RABGEF1: variants seen among roughly 807,000 people sequenced by gnomAD.
The protein encoded by RABGEF1 is RAB guanine nucleotide exchange factor 1.
In RABGEF1, 26 loss-of-function variants were observed where a neutral mutation model predicts 57.3. The ratio of observed to expected loss-of-function variants is 0.45; its 90% CI spans 0.33 to 0.63. RABGEF1 has a LOEUF of 0.63. Among genes scored for constraint, RABGEF1 ranks in the 20% least tolerant of loss-of-function variants. The pLI, the probability that RABGEF1 is intolerant of heterozygous loss-of-function variation, is 0.02. For missense variants in RABGEF1, 464 were observed against 607.6 expected (o/e 0.76, Z 2.48); for synonymous variants, 185 against 210.7 (o/e 0.88, Z 1.06).
chr7:66,693,331 T>A (rs758232123), intron 1 of RABGEF1, among the ~76,000 whole-genome samples: 1 of 152,208 alleles, frequency 6.6e-6, no homozygotes, highest in Non-Finnish European at 1.5e-5. Context: ...ATTTCCCCTT[T>A]ATTGCAAACA....
At chr7:66,763,875 A>T (rs1805054892) in intron 1 of RABGEF1, among the ~76,000 whole-genome samples, 1 of 152,186 alleles carries the variant, frequency 6.6e-6, no homozygotes. Flanking sequence ...TTGTTTATTA[A>T]TTCATCAGTT....
chr7:66,743,798 G>A (rs62466806), intron 1 of RABGEF1, among the ~76,000 whole-genome samples: 5,989 of 152,104 alleles, frequency 0.039, 166 homozygotes, highest in East Asian at 0.084. Flanking sequence ...ACCACACTTG[G>A]GCTAAATTTT....
intron 1 of RABGEF1, among the ~76,000 whole-genome samples, chr7:66,697,345 C>A (rs1792504605): frequency 6.6e-6 from 1 of 152,182 alleles, no homozygotes; most frequent in Non-Finnish European, 1.5e-5. Flanking sequence ...GCATTTCAGG[C>A]CTGCAGAACA....
intron 1 of RABGEF1, among the ~76,000 whole-genome samples, chr7:66,690,861 G>A (rs1197869556): frequency 6.6e-6 from 1 of 151,654 alleles, no homozygotes; most frequent in African/African-American, 2.4e-5. Flanking sequence ...AGGAAGGTGG[G>A]TCACTTGAGA....
chr7:66,748,933 G>A (rs895122398), intron 1 of RABGEF1: 4 of 235,764 alleles, frequency 1.7e-5, no homozygotes, highest in Non-Finnish European at 3.6e-5. Context: ...TCCAAAAACT[G>A]TTTTATGTCA....
upstream of RABGEF1, among the ~76,000 whole-genome samples, chr7:66,680,533 C>A (rs1384654880): frequency 6.6e-6 from 1 of 151,524 alleles, no homozygotes; most frequent in Non-Finnish European, 1.5e-5. Flanking sequence ...CGTGAGCCAC[C>A]GCACCCAGCC....
rs1181145224 is a variant in RABGEF1, at chr7:66,745,116, C to T, written c.-18+4324C>T. On this transcript the variant is annotated intron_variant, in intron 1 of 8. Transcript: ENST00000284957. ...CTGAGGCAGGAGAATGGCGTGAACC[C>T]GGGAGGCGGAGCTTGCAGTGAGCCG... Among the ~76,000 whole-genome samples, 59 of 150,984 alleles carry T rather than the reference C, an allele frequency of 3.9e-4. 1 individual carries two copies. Among genetic ancestry groups the T allele is most frequent in the Admixed American group, 2.6e-3 (40 of 15,142 alleles).
chr7:66,696,492 C>G (rs1457068394), intron 1 of RABGEF1, among the ~76,000 whole-genome samples: 1 of 151,904 alleles, frequency 6.6e-6, no homozygotes, highest in Non-Finnish European at 1.5e-5. Flanking sequence ...GAGTTTGAGA[C>G]CAGCCTGGCC....
chr7:66,762,263 G>C (rs1418169916), intron 1 of RABGEF1, among the ~76,000 whole-genome samples: 1 of 152,118 alleles, frequency 6.6e-6, no homozygotes, highest in African/African-American at 2.4e-5. Context: ...ACAGACCAAT[G>C]GGTAAATAAG....
In RABGEF1 at chr7:66,811,294, T is replaced by A. The variant is rs1789417748; in HGVS notation, c.*2010T>A. On this transcript the variant is annotated 3_prime_UTR_variant, in exon 9 of 9. Coordinates refer to ENST00000284957, the MANE Select transcript of RABGEF1 (RefSeq NM_014504.3). ...AATTCTTCTGGTATGGACTCTTGCCTTATATAGAGGCTTCTATTTCTCTTA... is the reference window on the plus strand; with the variant it reads ...AATTCTTCTGGTATGGACTCTTGCCATATATAGAGGCTTCTATTTCTCTTA... 6.6e-6 allele frequency: 1 copy of A among 152,214 alleles called. No individual in the cohort carries two copies. The highest frequency in any genetic ancestry group is 1.5e-5 in the Non-Finnish European group (1 of 68,044). 9.4% of individuals were successfully genotyped at this position (152,214 alleles called of 1,614,324 possible).
At chr7:66,782,695 A>C (rs1287847757) in intron 3 of RABGEF1, among the ~76,000 whole-genome samples, 1 of 151,916 alleles carries the variant, frequency 6.6e-6, no homozygotes, top group Non-Finnish European at 1.5e-5. Flanking sequence ...GCTCAGTAGG[A>C]GAATCGCTTG....
At chr7:66,656,207 C>T in the RABGEF1 span, among the ~76,000 whole-genome samples, 1 of 152,104 alleles carries the variant, frequency 6.6e-6, no homozygotes, top group Non-Finnish European at 1.5e-5. Flanking sequence ...GTCTCAACTG[C>T]CTGTGCTCAA....
intron 2 of RABGEF1, among the ~76,000 whole-genome samples, chr7:66,774,551 G>A (rs1455116897): frequency 6.6e-6 from 1 of 152,184 alleles, no homozygotes; most frequent in Non-Finnish European, 1.5e-5. Flanking sequence ...CCACAGGCTT[G>A]CACATTTGTA....
In RABGEF1 at chr7:66,809,092, G is replaced by T. The variant is rs1366300091; in HGVS notation, c.1284G>T (p.Met428Ile). ...TGAATGAACGACAAGAAAGGATCAT[G>T]AATGAAGCCAAGAAACTGGAAAAAG... is the stretch of plus-strand genomic sequence containing the variant. ...SQLNERQERI[M>I]NEAKKLEKDL... The change falls in exon 9 of 9, where the codon ATG becomes ATT. Residue 428 changes from methionine to isoleucine, a missense_variant. Met to Ile is a conservative substitution (Grantham distance 10). Around this residue, in one of 4 missense-constraint regions of RABGEF1, gnomAD observed 151 missense variants for 152.2 expected, o/e 0.99. Transcript: ENST00000284957. 2 of 1,614,162 alleles carry T rather than the reference G, an allele frequency of 1.2e-6. No homozygotes were observed. Among genetic ancestry groups the T allele is most frequent in the Admixed American group, 3.3e-5 (2 of 60,014 alleles).
chr7:66,803,915 A>ATT (rs1460114704), intron 7 of RABGEF1, among the ~76,000 whole-genome samples: 1 of 151,248 alleles, frequency 6.6e-6, no homozygotes, highest in East Asian at 1.9e-4. Context: ...AAAGAAAGAA[A>ATT]TTTTTCCCTG....
chr7:66,697,726 G>T (rs1194376368), intron 1 of RABGEF1, among the ~76,000 whole-genome samples: 2 of 152,286 alleles, frequency 1.3e-5, no homozygotes, highest in East Asian at 1.9e-4. Flanking sequence ...GCGAGGTGGG[G>T]GGTGTTCATG....
upstream of RABGEF1, among the ~76,000 whole-genome samples, chr7:66,677,901 T>C (rs553909303): frequency 7.1e-4 from 107 of 151,438 alleles, no homozygotes; most frequent in African/African-American, 2.5e-3. Context: ...CTTGTCTCTA[T>C]GAAAAATACA....
chr7:66,804,889 AAG>A (rs1788102264), intron 7 of RABGEF1, among the ~76,000 whole-genome samples: 1 of 152,274 alleles, frequency 6.6e-6, no homozygotes, highest in South Asian at 2.1e-4. Context: ...TAATATTAAT[AAG>A]AGTATCCATT....
At chr7:66,686,366 G>A (rs962263342) in intron 1 of RABGEF1, among the ~76,000 whole-genome samples, 1 of 151,992 alleles carries the variant, frequency 6.6e-6, no homozygotes, top group Non-Finnish European at 1.5e-5. Flanking sequence ...CAGTGCTTTC[G>A]GAGGCCAAAG....
Sources: gnomAD v4.1 joint callset for allele counts (sites outside exome capture counted in the v4.1 genomes callset) on GRCh38, gnomAD v4.1.1 for gene constraint, gnomAD v4.1.1 regional missense constraint, MANE v1.5 for transcripts, NCBI Gene and HGNC (gene_info 2026-07-23, HGNC 2026-07-21) for gene names.